PCMTD1: variants seen among roughly 807,000 people sequenced by gnomAD.
PCMTD1 encodes the protein protein-L-isoaspartate O-methyltransferase domain-containing protein 1.
In PCMTD1, 12 loss-of-function variants were observed where a neutral mutation model predicts 37.6. The observed-to-expected ratio is 0.32, with a 90% CI of 0.20 to 0.52. The LOEUF (loss-of-function observed/expected upper bound fraction) is 0.52. Ranked by LOEUF, PCMTD1 falls within the 20% of genes least tolerant of loss-of-function variation. PCMTD1 has a pLI of 0.97. For missense variants in PCMTD1, 235 were observed against 421.3 expected (o/e 0.56, Z 3.87); for synonymous variants, 117 against 135.8 (o/e 0.86, Z 0.96).
chr8:51,854,501 G>GA (rs2038354489), intron 2 of PCMTD1, among the ~76,000 whole-genome samples: 1 of 152,198 alleles, frequency 6.6e-6, no homozygotes, highest in African/African-American at 2.4e-5. Context: ...AGAGTTTCAT[G>GA]AATTTCATAA....
At chr8:51,855,781 TC>T (rs923130779) in intron 2 of PCMTD1, among the ~76,000 whole-genome samples, 1 of 151,902 alleles carries the variant, frequency 6.6e-6, no homozygotes, top group African/African-American at 2.4e-5. Flanking sequence ...GCCCTCAGCC[TC>T]CCGAGTAGCT....
intron 1 of PCMTD1, among the ~76,000 whole-genome samples, chr8:51,894,734 C>A (rs1585865703): frequency 6.6e-6 from 1 of 150,780 alleles, no homozygotes; most frequent in Admixed American, 6.6e-5. Flanking sequence ...TATATGGCTG[C>A]TGGAAGAACT....
rs1172490467 is a variant in PCMTD1 at position 51,898,565 on chromosome 8, C to T, written c.-96+365G>A. Among the ~76,000 whole-genome samples, 7 of 152,272 alleles carry T rather than the reference C, an allele frequency of 4.6e-5. 1 individual carries two copies. Among genetic ancestry groups the T allele is most frequent in the African/African-American group, 1.4e-4 (6 of 41,552 alleles). The stretch of plus-strand genomic sequence containing the variant: ...CAGCCTCGGGACTCTGGTCCCCAAG[C>T]CCAGGTCAGAGCCGAGGACGAGCCG... On this transcript the variant is annotated intron_variant, in intron 1 of 5. Coordinates refer to ENST00000522514, the MANE Select transcript of PCMTD1 (RefSeq NM_052937.4).
At chr8:51,881,801 T>C (rs2038796710) in intron 1 of PCMTD1, among the ~76,000 whole-genome samples, 1 of 152,174 alleles carries the variant, frequency 6.6e-6, no homozygotes, top group Non-Finnish European at 1.5e-5. Context: ...CTGGGCTCCA[T>C]TTTTTTCGAT....
chr8:51,898,608 C>G (rs1014147671), intron 1 of PCMTD1, among the ~76,000 whole-genome samples: 1 of 152,044 alleles, frequency 6.6e-6, no homozygotes, highest in African/African-American at 2.4e-5. Flanking sequence ...GCCGAGGACG[C>G]GGCGCCCCGG....
chr8:51,833,590 C>T lies in PCMTD1; in HGVS notation c.510G>A (p.Gln170=). ...TTTTCATGTAGTTTTCATGGTCTTT[C>T]TGCACTCCAGCTCCACAATAAATTC... The part of the protein sequence containing the change: ...YDRIYCGAGV[Q]KDHENYMKIL... The change falls in exon 4 of 6, where the codon CAG becomes CAA. Residue 170 remains glutamine, a synonymous_variant. Transcript: ENST00000522514. The T allele has an allele frequency of 1.2e-6, 2 of 1,612,726 alleles. No individual in the cohort carries two copies. Among genetic ancestry groups the T allele is most frequent in the Non-Finnish European group, 1.7e-6 (2 of 1,179,420 alleles).
At chr8:51,874,374 A>T (rs549211285) in intron 1 of PCMTD1, among the ~76,000 whole-genome samples, 38 of 152,132 alleles carry the variant, frequency 2.5e-4, no homozygotes, top group African/African-American at 8.9e-4. Flanking sequence ...AACTCCTTCA[A>T]CATGGAACCA....
intron 2 of PCMTD1, among the ~76,000 whole-genome samples, chr8:51,857,000 G>A (rs2038399763): frequency 6.6e-6 from 1 of 152,196 alleles, no homozygotes; most frequent in Admixed American, 6.5e-5. Flanking sequence ...GAGGCAGAGC[G>A]AGCAAGAGAG....
chr8:51,830,815 T>C (rs1261456006), intron 5 of PCMTD1, among the ~76,000 whole-genome samples: 1 of 152,210 alleles, frequency 6.6e-6, no homozygotes, highest in Non-Finnish European at 1.5e-5. Context: ...AGATGTTGCC[T>C]TGGCAGAAAG....
intron 2 of PCMTD1, among the ~76,000 whole-genome samples, chr8:51,853,694 GA>G (rs1563347573): frequency 6.6e-6 from 1 of 152,002 alleles, no homozygotes. Context: ...TTACAAAAGA[GA>G]AAATAAACTT....
intron 2 of PCMTD1, among the ~76,000 whole-genome samples, chr8:51,848,548 G>A (rs1191539223): frequency 6.6e-6 from 1 of 152,168 alleles, no homozygotes; most frequent in Non-Finnish European, 1.5e-5. Flanking sequence ...CTCAGTTAAA[G>A]ACGCCACTGG....
chr8:51,827,162 T>C, intron 5 of PCMTD1: 1 of 1,049,104 alleles, frequency 9.5e-7, no homozygotes, highest in Non-Finnish European at 1.2e-6. Flanking sequence ...ATATCAATTT[T>C]CAAAACTATT....
intron 5 of PCMTD1, among the ~76,000 whole-genome samples, chr8:51,824,148 G>GTAC (rs1264891265): frequency 6.6e-6 from 1 of 152,198 alleles, no homozygotes; most frequent in East Asian, 1.9e-4. Flanking sequence ...AGACAAGGAT[G>GTAC]TACTCTCTCA....
chr8:51,833,703 C>CA lies in PCMTD1; in HGVS notation c.411-15dup, dbSNP rs772610146. On this transcript the variant is annotated splice_polypyrimidine_tract_variant and intron_variant, in intron 3 of 5. Transcript: ENST00000522514. ...CAGAACTCAAATCTGCATTGAAAAA[C>CA]AAACATTTTAATTCAATTAAGCAAA... 27 of 1,597,498 alleles carry CA rather than the reference C, an allele frequency of 1.7e-5. No homozygotes were observed. The highest frequency in any genetic ancestry group is 2.7e-5 in the African/African-American group (2 of 74,612).
At chr8:51,893,817 C>CAG (rs775696701) in intron 1 of PCMTD1, among the ~76,000 whole-genome samples, 1 of 152,004 alleles carries the variant, frequency 6.6e-6, no homozygotes, top group Non-Finnish European at 1.5e-5. Context: ...GTGTGTGTGA[C>CAG]AGAGAGAGAG....
At chr8:51,896,860 C>T (rs1472825381) in intron 1 of PCMTD1, among the ~76,000 whole-genome samples, 1 of 143,500 alleles carries the variant, frequency 7.0e-6, no homozygotes, top group Non-Finnish European at 1.5e-5. Flanking sequence ...TTAAGCACTC[C>T]TGAATATAAA....
intron 3 of PCMTD1, among the ~76,000 whole-genome samples, chr8:51,842,273 T>A (rs1161151584): frequency 6.6e-6 from 1 of 152,184 alleles, no homozygotes; most frequent in East Asian, 1.9e-4. Flanking sequence ...ATACTTTTTT[T>A]TAAAGAAAGA....
chr8:51,858,293 G>A (rs1371402070), intron 2 of PCMTD1, among the ~76,000 whole-genome samples: 3 of 123,654 alleles, frequency 2.4e-5, no homozygotes, highest in Non-Finnish European at 3.4e-5. Flanking sequence ...TACTAAATAT[G>A]TAGTACCCAT....
At chr8:51,870,466 CACTT>C (rs2038623165) in intron 1 of PCMTD1, 1 of 152,176 alleles carries the variant, frequency 6.6e-6, no homozygotes, top group Non-Finnish European at 1.5e-5. Context: ...GTTCACTACT[CACTT>C]GCCAAAAGCT....
Sources: gnomAD v4.1 joint callset for allele counts (sites outside exome capture counted in the v4.1 genomes callset) on GRCh38, gnomAD v4.1.1 for gene constraint, MANE v1.5 for transcripts, NCBI Gene and HGNC (gene_info 2026-07-23, HGNC 2026-07-21) for gene names.